The following ASXL2 variants were observed in gnomAD, a reference collection of about 807,000 sequenced individuals.
ASXL2 encodes ASXL transcriptional regulator 2.
A neutral mutation model predicts 122.0 loss-of-function variants in ASXL2; 23 were observed. The ratio of observed to expected loss-of-function variants is 0.19; its 90% CI spans 0.14 to 0.27. The LOEUF (loss-of-function observed/expected upper bound fraction) is 0.27. Ranked by LOEUF, ASXL2 falls within the 10% of genes least tolerant of loss-of-function variation. The probability of loss-of-function intolerance (pLI) is 1.00; values close to 1 mark genes in which losing one functional copy is unlikely to be tolerated. For synonymous variants in ASXL2, 650 were observed against 637.0 expected (o/e 1.02, Z -0.31); for missense variants, 1,518 against 1,713.8 (o/e 0.89, Z 2.02).
intron 9 of ASXL2, 41 bp downstream of exon 9, chr2:25,759,441 A>G: frequency 3.8e-6 from 6 of 1,587,624 alleles, no homozygotes; most frequent in Non-Finnish European, 5.2e-6. Flanking sequence ...AAGTATACAT[A>G]AACAGCTATT....
chr2:25,804,739 T>G (rs1253183317), intron 4 of ASXL2, among the ~76,000 whole-genome samples: 2 of 152,186 alleles, frequency 1.3e-5, no homozygotes, highest in East Asian at 3.8e-4. Context: ...CTCTTCTCAG[T>G]GCAGGAATTT....
rs1210105239 is a variant in ASXL2 at position 25,768,888 on chromosome 2, T to C, written c.505-20A>G. 1.2e-6 allele frequency: 2 copies of C among 1,608,960 alleles called. No homozygotes were observed. Among genetic ancestry groups the C allele is most frequent in the Non-Finnish European group, 1.7e-6 (2 of 1,177,712 alleles). The stretch of plus-strand genomic sequence containing the variant: ...TAGCGCCTATAAAGATAAAACAGAC[T>C]ATAAGAAACAAAACCAATCAGTTTT... On this transcript the variant is annotated intron_variant, in intron 6 of 12. Coordinates refer to ENST00000435504, the MANE Select transcript of ASXL2 (RefSeq NM_018263.6).
At chr2:25,773,662 T>C (rs952446870) in intron 5 of ASXL2, among the ~76,000 whole-genome samples, 2 of 80,678 alleles carry the variant, frequency 2.5e-5, no homozygotes, top group Non-Finnish European at 7.0e-5. Context: ...AGAGACTCCA[T>C]CTCAAAAAAA....
At chr2:25,799,760 G>A (rs527276962) in intron 4 of ASXL2, among the ~76,000 whole-genome samples, 2 of 152,188 alleles carry the variant, frequency 1.3e-5, no homozygotes, top group African/African-American at 4.8e-5. Context: ...ACATTCATAT[G>A]CAGGCACAAC....
chr2:25,837,397 C>T (rs2089524493), intron 2 of ASXL2, among the ~76,000 whole-genome samples: 1 of 152,172 alleles, frequency 6.6e-6, no homozygotes, highest in South Asian at 2.1e-4. Flanking sequence ...CAACTAGTCT[C>T]AAGTTCTTAT....
chr2:25,851,481 ATTC>A (rs1464166708), intron 1 of ASXL2, among the ~76,000 whole-genome samples: 1 of 152,132 alleles, frequency 6.6e-6, no homozygotes, highest in East Asian at 1.9e-4. Flanking sequence ...CTTCCAGTTT[ATTC>A]TTCATCTTTT....
intron 5 of ASXL2, among the ~76,000 whole-genome samples, chr2:25,790,800 CTTTTT>C (rs35046164): frequency 3.7e-5 from 4 of 108,852 alleles, no homozygotes; most frequent in Non-Finnish European, 7.3e-5. Flanking sequence ...AGTTTTTTGT[CTTTTT>C]TTTTTTTTTT....
intron 10 of ASXL2, among the ~76,000 whole-genome samples, chr2:25,754,436 T>A (rs2088098645): frequency 6.6e-6 from 1 of 151,740 alleles, no homozygotes; most frequent in Non-Finnish European, 1.5e-5. Context: ...CTCCTGGGGG[T>A]GAGAAGAAGG....
intron 1 of ASXL2, among the ~76,000 whole-genome samples, chr2:25,862,039 A>G (rs759922832): frequency 5.9e-5 from 9 of 152,224 alleles, no homozygotes; most frequent in Non-Finnish European, 1.3e-4. Context: ...TATTATTCCT[A>G]TATTTAAAAA....
At position 25,737,774 on chromosome 2, in the gene ASXL2, G is replaced by A. The variant is rs1377947687; in HGVS notation, c.*4255C>T. On this transcript the variant is annotated 3_prime_UTR_variant, in exon 13 of 13. Coordinates refer to ENST00000435504, the MANE Select transcript of ASXL2 (RefSeq NM_018263.6). ...TACAATCTATATACATATATTTATT[G>A]CAAATACTTAAAATTCTTATGTAAA... 1 of 152,070 alleles carries A rather than the reference G, an allele frequency of 6.6e-6. No individual in the cohort carries two copies. The highest frequency in any genetic ancestry group is 1.5e-5 in the Non-Finnish European group (1 of 68,000). The allele number at this position is 152,070 out of a possible 1,614,324, so 9.4% of individuals were successfully genotyped here. A position where few individuals can be genotyped will look rare whatever the true frequency, so the allele number is the denominator to read the frequency against.
chr2:25,858,721 CA>C (rs138604966), intron 1 of ASXL2, among the ~76,000 whole-genome samples: 30 of 120,880 alleles, frequency 2.5e-4, no homozygotes, highest in Middle Eastern at 4.7e-3. Context: ...GACCCCGCCT[CA>C]AAAAAAAAAA....
At chr2:25,807,129 C>T (rs749146095) in intron 3 of ASXL2, among the ~76,000 whole-genome samples, 82 of 152,060 alleles carry the variant, frequency 5.4e-4, no homozygotes, top group Non-Finnish European at 1.0e-3. Flanking sequence ...AAATGGAAAC[C>T]GTGGTCTGAA....
At chr2:25,862,120 T>C (rs1559531422) in intron 1 of ASXL2, among the ~76,000 whole-genome samples, 1 of 152,234 alleles carries the variant, frequency 6.6e-6, no homozygotes. Flanking sequence ...TAAATATCAG[T>C]ATTAATAGAG....
chr2:25,848,232 T>TA (rs928737841), intron 1 of ASXL2, among the ~76,000 whole-genome samples: 8 of 152,234 alleles, frequency 5.3e-5, no homozygotes, highest in Admixed American at 1.3e-4. Context: ...ATGTTAATGG[T>TA]AAAAATTAAT....
intron 4 of ASXL2, among the ~76,000 whole-genome samples, chr2:25,803,956 G>A (rs1003678338): frequency 2.6e-5 from 4 of 152,082 alleles, no homozygotes; most frequent in East Asian, 1.9e-4. Context: ...TGTACTTAAC[G>A]GTGTATGAGA....
chr2:25,857,000 G>C (rs2089787130), intron 1 of ASXL2: 1 of 244,916 alleles, frequency 4.1e-6, no homozygotes, highest in Non-Finnish European at 7.6e-6. Flanking sequence ...ATGATAGCAA[G>C]TTTCTTCATC....
chr2:25,837,571 G>A (rs1055476974), intron 2 of ASXL2, among the ~76,000 whole-genome samples: 5 of 152,122 alleles, frequency 3.3e-5, no homozygotes, highest in African/African-American at 1.2e-4. Flanking sequence ...GCGTCTTCAG[G>A]CCAGGTACTG....
chr2:25,856,615 C>A, intron 1 of ASXL2: 1 of 1,234,890 alleles, frequency 8.1e-7, no homozygotes, highest in South Asian at 1.2e-5. Flanking sequence ...AGCCCCACCA[C>A]AAGGTCAGCA....
chr2:25,756,404 G>C (rs35336420), intron 9 of ASXL2, among the ~76,000 whole-genome samples: 4,867 of 143,480 alleles, frequency 0.034, 112 homozygotes, highest in Non-Finnish European at 0.043. Context: ...GGAACAACTG[G>C]CTATCCACCC....
Sources: allele counts gnomAD v4.1 joint callset (sites outside exome capture counted in the v4.1 genomes callset), GRCh38; gene constraint gnomAD v4.1.1; transcripts MANE v1.5; gene names NCBI Gene and HGNC (gene_info 2026-07-23, HGNC 2026-07-21).